The following HS3ST5 variants were observed in gnomAD, a reference collection of about 807,000 sequenced individuals.
HS3ST5 encodes heparan sulfate glucosamine 3-O-sulfotransferase 5.
A neutral mutation model predicts 25.4 loss-of-function variants in HS3ST5; 10 were observed. The observed-to-expected ratio is 0.39, with a 90% CI of 0.24 to 0.67. HS3ST5 has a LOEUF of 0.67. Ranked by LOEUF, HS3ST5 falls within the 30% of genes least tolerant of loss-of-function variation. The pLI, the probability that HS3ST5 is intolerant of heterozygous loss-of-function variation, is 0.44. For missense variants in HS3ST5, 324 were observed against 420.7 expected (o/e 0.77, Z 2.01); for synonymous variants, 170 against 162.4 (o/e 1.05, Z -0.36).
In HS3ST5 at chr6:114,326,018, T is replaced by TGGGCAACATGGCAAA; in HGVS notation, c.-339+16176_-339+16177insTTTGCCATGTTGCCC. On this transcript the variant is annotated intron_variant, in intron 1 of 4. Coordinates refer to ENST00000312719, the MANE Select transcript of HS3ST5 (RefSeq NM_153612.4). Reference sequence around the variant, plus strand: ...TGAGAGGGGAGAAATTACAAGGAACTACCCCTTATTTAAATTGCAATGCAA... The same window carrying TGGGCAACATGGCAAA: ...TGAGAGGGGAGAAATTACAAGGAACTGGGCAACATGGCAAAACCCCTTATTTAAATTGCAATGCAA... Among the ~76,000 whole-genome samples the TGGGCAACATGGCAAA allele has an allele frequency of 1.3e-5, 2 of 152,322 alleles. 1 individual carries two copies. The highest frequency in any genetic ancestry group is 4.8e-5 in the African/African-American group (2 of 41,560).
At chr6:114,338,900 G>T (rs1280016132) in intron 1 of HS3ST5, among the ~76,000 whole-genome samples, 1 of 151,958 alleles carries the variant, frequency 6.6e-6, no homozygotes. Flanking sequence ...AATTTATAAT[G>T]AAAAGTTTAA....
At chr6:114,225,719 T>C (rs1283154805) in intron 2 of HS3ST5, among the ~76,000 whole-genome samples, 1 of 151,960 alleles carries the variant, frequency 6.6e-6, no homozygotes. Context: ...ATTCTAGCTA[T>C]AGAATAACAC....
intron 3 of HS3ST5, among the ~76,000 whole-genome samples, chr6:114,070,435 G>GT (rs1228646988): frequency 1.3e-5 from 2 of 151,994 alleles, no homozygotes; most frequent in African/African-American, 2.4e-5. Flanking sequence ...TTTACCAAGG[G>GT]TTTTTTTCAT....
chr6:114,105,003 G>A (rs1775922369), intron 3 of HS3ST5, among the ~76,000 whole-genome samples: 1 of 152,062 alleles, frequency 6.6e-6, no homozygotes, highest in South Asian at 2.1e-4. Context: ...TAATGACCTG[G>A]TGATTTTTTT....
chr6:114,251,568 T>C (rs1194886095), intron 1 of HS3ST5: 1 of 152,280 alleles, frequency 6.6e-6, no homozygotes, highest in African/African-American at 2.4e-5. Context: ...TCCGTTCTTG[T>C]CTTTGGTAGT....
At chr6:114,196,098 C>T (rs1170593154) in intron 2 of HS3ST5, among the ~76,000 whole-genome samples, 1 of 152,196 alleles carries the variant, frequency 6.6e-6, no homozygotes, top group African/African-American at 2.4e-5. Flanking sequence ...TGGGCCCCCT[C>T]TCCATGACAG....
intron 3 of HS3ST5, among the ~76,000 whole-genome samples, chr6:114,115,827 G>A (rs1382520027): frequency 4.6e-5 from 7 of 152,026 alleles, no homozygotes; most frequent in African/African-American, 1.7e-4. Context: ...AAGTATTTTA[G>A]TGTCTCTGTG....
chr6:114,244,046 G>A (rs1192485821), intron 1 of HS3ST5, among the ~76,000 whole-genome samples: 2 of 152,198 alleles, frequency 1.3e-5, no homozygotes, highest in African/African-American at 4.8e-5. Context: ...AGGGACAGAG[G>A]AGTCTGTGAA....
chr6:114,107,821 A>C (rs1308958480), intron 3 of HS3ST5, among the ~76,000 whole-genome samples: 2 of 152,240 alleles, frequency 1.3e-5, no homozygotes. Context: ...ATAATTAAAA[A>C]GCATTATCGA....
chr6:114,318,929 A>G (rs758758048), intron 1 of HS3ST5, among the ~76,000 whole-genome samples: 7 of 152,190 alleles, frequency 4.6e-5, no homozygotes, highest in Non-Finnish European at 8.8e-5. Context: ...ATTAGCTCCT[A>G]TCAGCCCAAG....
At chr6:114,317,802 C>CA (rs1554227776) in intron 1 of HS3ST5, among the ~76,000 whole-genome samples, 1 of 68,574 alleles carries the variant, frequency 1.5e-5, no homozygotes, top group Non-Finnish European at 2.6e-5. Context: ...AGGCGGGGGG[C>CA]GGGGGGGTAG....
intron 3 of HS3ST5, among the ~76,000 whole-genome samples, chr6:114,096,098 A>C (rs1418268935): frequency 6.6e-6 from 1 of 152,116 alleles, no homozygotes; most frequent in East Asian, 1.9e-4. Flanking sequence ...GGAAGCGTTC[A>C]CTCACCTATT....
At chr6:114,246,365 GT>G (rs111437995) in intron 1 of HS3ST5, among the ~76,000 whole-genome samples, 39 of 152,264 alleles carry the variant, frequency 2.6e-4, no homozygotes, top group African/African-American at 9.1e-4. Context: ...AAGTCACAGT[GT>G]TTTTTTGAGG....
chr6:114,113,550 T>C (rs1031811664), intron 3 of HS3ST5, among the ~76,000 whole-genome samples: 1 of 151,922 alleles, frequency 6.6e-6, no homozygotes, highest in African/African-American at 2.4e-5. Flanking sequence ...TCCATTGATG[T>C]TTCAATTCGA....
At chr6:114,067,272 G>A (rs976198184) in intron 3 of HS3ST5, among the ~76,000 whole-genome samples, 1 of 152,138 alleles carries the variant, frequency 6.6e-6, no homozygotes, top group African/African-American at 2.4e-5. Context: ...AGGACCAAAG[G>A]ATAATAGCTG....
intron 1 of HS3ST5, among the ~76,000 whole-genome samples, chr6:114,258,172 A>G (rs1773016259): frequency 6.6e-6 from 1 of 152,134 alleles, no homozygotes; most frequent in Non-Finnish European, 1.5e-5. Flanking sequence ...GCCTTTCCTT[A>G]TTCACAAATA....
chr6:114,114,572 C>T (rs1471824008), intron 3 of HS3ST5, among the ~76,000 whole-genome samples: 1 of 152,058 alleles, frequency 6.6e-6, no homozygotes, highest in African/African-American at 2.4e-5. Context: ...CACATTTTTC[C>T]TACTTACAAA....
At chr6:114,159,278 G>A (rs1215196120) in intron 3 of HS3ST5, among the ~76,000 whole-genome samples, 2 of 152,134 alleles carry the variant, frequency 1.3e-5, no homozygotes, top group African/African-American at 4.8e-5. Flanking sequence ...TTTTGCCAAA[G>A]GCCATGTATA....
chr6:114,109,272 G>GTATATA (rs10660032), intron 3 of HS3ST5, among the ~76,000 whole-genome samples: 48 of 150,490 alleles, frequency 3.2e-4, no homozygotes, highest in Non-Finnish European at 5.9e-4. Flanking sequence ...ATGTGTGTGT[G>GTATATA]TATATATATA....
Sources: allele counts gnomAD v4.1 joint callset (sites outside exome capture counted in the v4.1 genomes callset), GRCh38; gene constraint gnomAD v4.1.1; transcripts MANE v1.5; gene names NCBI Gene and HGNC (gene_info 2026-07-23, HGNC 2026-07-21).